Variants in CAB39L observed in about 807,000 individuals in gnomAD.
The protein encoded by CAB39L is calcium binding protein 39 like.
CAB39L carries 23 observed loss-of-function variants against 39.1 expected under a neutral mutation model. The ratio of observed to expected loss-of-function variants is 0.59; its 90% CI spans 0.42 to 0.83. The LOEUF is 0.83. Among genes scored for constraint, CAB39L ranks in the 40% least tolerant of loss-of-function variants. CAB39L has a pLI of 0.00. For missense variants in CAB39L, 366 were observed against 391.9 expected (o/e 0.93, Z 0.56); for synonymous variants, 126 against 137.2 (o/e 0.92, Z 0.57).
At chr13:49,443,825 T>C (rs1957594110) in intron 1 of CAB39L, among the ~76,000 whole-genome samples, 161 bp downstream of exon 1, 1 of 152,008 alleles carries the variant, frequency 6.6e-6, no homozygotes, top group Non-Finnish European at 1.5e-5. Context: ...AGGAAACCCA[T>C]CCTTTCCGCA....
intron 3 of CAB39L, among the ~76,000 whole-genome samples, chr13:49,406,200 C>A (rs1394531385): frequency 1.4e-5 from 2 of 145,648 alleles, no homozygotes; most frequent in Non-Finnish European, 3.0e-5. Flanking sequence ...TGGAGTCTTG[C>A]TCTGTCACCC....
Position 49,402,653 on chromosome 13 carries a change from T to C in CAB39L, c.-31-19712A>G, listed in dbSNP as rs73186898. On this transcript the variant is annotated intron_variant, in intron 3 of 10. Coordinates refer to ENST00000409308, the MANE Select transcript of CAB39L (RefSeq NM_001079670.3). ...TCTAAGAATATAAGCTTAAGTAAGG[T>C]GAAAGGTAAACATCTATAAACAGTT... Among the ~76,000 whole-genome samples the C allele has an allele frequency of 8.0e-3, 1,211 of 152,276 alleles. 7 individuals carry two copies. Among genetic ancestry groups the C allele is most frequent in the Middle Eastern group, 0.017 (5 of 294 alleles).
intron 3 of CAB39L, among the ~76,000 whole-genome samples, chr13:49,384,545 A>G (rs979174529): frequency 2.6e-5 from 4 of 152,204 alleles, no homozygotes; most frequent in African/African-American, 4.8e-5. Context: ...GCCCAGATCC[A>G]TTAGAGGAAT....
chr13:49,439,922 T>TTG (rs1491560598), intron 1 of CAB39L, among the ~76,000 whole-genome samples: 1 of 13,570 alleles, frequency 7.4e-5, no homozygotes, highest in Non-Finnish European at 1.9e-4. Flanking sequence ...TTTTAATGGG[T>TTG]TTTTTTTTTT....
chr13:49,320,344 C>T (rs539571243), intron 10 of CAB39L, among the ~76,000 whole-genome samples: 2 of 152,238 alleles, frequency 1.3e-5, no homozygotes, highest in East Asian at 1.9e-4. Flanking sequence ...TTTAGAATGC[C>T]GCCTTATTGC....
intron 6 of CAB39L, among the ~76,000 whole-genome samples, chr13:49,355,212 C>CAA (rs57254627): frequency 3.7e-4 from 39 of 104,860 alleles, no homozygotes; most frequent in African/African-American, 1.3e-3. Context: ...CCTGTTTCTA[C>CAA]AAAAAAAAAA....
chr13:49,402,455 T>C (rs1011460766), intron 3 of CAB39L, among the ~76,000 whole-genome samples: 1 of 152,206 alleles, frequency 6.6e-6, no homozygotes, highest in Non-Finnish European at 1.5e-5. Flanking sequence ...TTTGGAGTTC[T>C]GTTCCAGTTC....
intron 10 of CAB39L, among the ~76,000 whole-genome samples, chr13:49,329,234 G>A (rs1308395964): frequency 1.3e-5 from 2 of 152,098 alleles, no homozygotes; most frequent in African/African-American, 4.8e-5. Context: ...TGGTAGAGAA[G>A]ATTACTTCCT....
At chr13:49,406,732 T>C (rs533647425) in intron 3 of CAB39L, among the ~76,000 whole-genome samples, 1 of 152,294 alleles carries the variant, frequency 6.6e-6, no homozygotes, top group Non-Finnish European at 1.5e-5. Flanking sequence ...ATTACAGAAT[T>C]TTAACTCTAC....
intron 3 of CAB39L, among the ~76,000 whole-genome samples, chr13:49,403,492 G>A (rs1048247258): frequency 3.9e-5 from 6 of 151,914 alleles, no homozygotes; most frequent in African/African-American, 9.7e-5. Context: ...AATGCATAAG[G>A]AGAAAATCGA....
At chr13:49,416,677 C>T (rs576259004) in intron 3 of CAB39L, among the ~76,000 whole-genome samples, 18 of 152,298 alleles carry the variant, frequency 1.2e-4, no homozygotes, top group African/African-American at 4.3e-4. Context: ...ATTACTTAAC[C>T]TCTCTGGGCC....
chr13:49,381,997 C>T (rs907314613), intron 4 of CAB39L, among the ~76,000 whole-genome samples: 1 of 152,220 alleles, frequency 6.6e-6, no homozygotes, highest in African/African-American at 2.4e-5. Flanking sequence ...CCTCATTGCT[C>T]TCCATCCTTG....
chr13:49,414,759 C>T (rs1210684284), intron 3 of CAB39L, among the ~76,000 whole-genome samples: 2 of 152,082 alleles, frequency 1.3e-5, no homozygotes, highest in Non-Finnish European at 2.9e-5. Context: ...GTAATTTTCT[C>T]TGGGTAGTAA....
intron 8 of CAB39L, among the ~76,000 whole-genome samples, chr13:49,340,426 T>C (rs1157928230): frequency 1.3e-5 from 2 of 152,020 alleles, no homozygotes; most frequent in African/African-American, 2.4e-5. Flanking sequence ...GGACAAGAGA[T>C]CAGGAACTGA....
chr13:49,439,152 G>A (rs1957462414), intron 1 of CAB39L, among the ~76,000 whole-genome samples: 1 of 151,980 alleles, frequency 6.6e-6, no homozygotes, highest in Admixed American at 6.5e-5. Context: ...GGTTTCTAAT[G>A]CAATCATCAC....
chr13:49,360,561 C>A (rs1955603955), intron 5 of CAB39L, among the ~76,000 whole-genome samples: 1 of 152,184 alleles, frequency 6.6e-6, no homozygotes. Flanking sequence ...CAAAAGAAAT[C>A]TTGGACTGGA....
At chr13:49,398,638 T>C (rs1293060861) in intron 3 of CAB39L, among the ~76,000 whole-genome samples, 2 of 152,130 alleles carry the variant, frequency 1.3e-5, no homozygotes, top group African/African-American at 4.8e-5. Context: ...AACCAAAACC[T>C]GCATCTACTG....
At chr13:49,414,637 T>C (rs915490030) in intron 3 of CAB39L, among the ~76,000 whole-genome samples, 1 of 152,154 alleles carries the variant, frequency 6.6e-6, no homozygotes, top group Non-Finnish European at 1.5e-5. Context: ...ATACTTCAAA[T>C]TCATTTTAAA....
chr13:49,375,748 A>T (rs1172821598), intron 5 of CAB39L, among the ~76,000 whole-genome samples: 1 of 152,062 alleles, frequency 6.6e-6, no homozygotes, highest in Non-Finnish European at 1.5e-5. Flanking sequence ...ATACATATGT[A>T]ACAAACCTGC....
Sources: gnomAD v4.1 joint callset for allele counts (sites outside exome capture counted in the v4.1 genomes callset) on GRCh38, gnomAD v4.1.1 for gene constraint, MANE v1.5 for transcripts, NCBI Gene and HGNC (gene_info 2026-07-23, HGNC 2026-07-21) for gene names.